The following ST8SIA6 variants were observed in gnomAD, a reference collection of about 807,000 sequenced individuals.
The protein encoded by ST8SIA6 is ST8 alpha-N-acetyl-neuraminide alpha-2,8-sialyltransferase 6, also known as alpha-2,8-sialyltransferase 8F.
ST8SIA6 carries 39 observed loss-of-function variants against 33.6 expected under a neutral mutation model. That is an observed-to-expected ratio of 1.16 (90% confidence interval 0.90 to 1.52). ST8SIA6 has a LOEUF of 1.52. Ranked by LOEUF, ST8SIA6 falls within the 40% of genes most tolerant of loss-of-function variation. The pLI is 0.00. For missense variants in ST8SIA6, 441 were observed against 443.8 expected (o/e 0.99, Z 0.06); for synonymous variants, 172 against 167.2 (o/e 1.03, Z -0.22).
At chr10:17,405,298 G>A (rs1020860768) in intron 2 of ST8SIA6, among the ~76,000 whole-genome samples, 2 of 151,896 alleles carry the variant, frequency 1.3e-5, no homozygotes, top group African/African-American at 4.8e-5. Context: ...CTGAGCCCAG[G>A]AGTTCAAGCC....
intron 2 of ST8SIA6, among the ~76,000 whole-genome samples, chr10:17,420,618 G>C (rs894371849): frequency 2.0e-5 from 3 of 152,082 alleles, no homozygotes; most frequent in Non-Finnish European, 4.4e-5. Flanking sequence ...GAATGCTGTG[G>C]CATGCCACCC....
intron 2 of ST8SIA6, among the ~76,000 whole-genome samples, chr10:17,420,367 A>C (rs964751571): frequency 6.6e-6 from 1 of 152,140 alleles, no homozygotes; most frequent in African/African-American, 2.4e-5. Flanking sequence ...AGCTGAGATC[A>C]CGCCACTGCA....
intron 3 of ST8SIA6, among the ~76,000 whole-genome samples, chr10:17,385,483 C>A (rs904059475): frequency 6.6e-6 from 1 of 150,756 alleles, no homozygotes; most frequent in East Asian, 2.0e-4. Context: ...AAGGAGTCAG[C>A]AAAGGGAGAT....
intron 3 of ST8SIA6, among the ~76,000 whole-genome samples, chr10:17,384,004 C>G (rs993536201): frequency 1.3e-5 from 2 of 152,186 alleles, no homozygotes; most frequent in Admixed American, 1.3e-4. Context: ...CAGTTATTTG[C>G]GTAAGTGCAA....
chr10:17,414,245 A>T (rs1338493441), intron 2 of ST8SIA6, among the ~76,000 whole-genome samples: 1 of 152,224 alleles, frequency 6.6e-6, no homozygotes, highest in South Asian at 2.1e-4. Flanking sequence ...TCTAAGTTCT[A>T]TGAACTTCAA....
intron 2 of ST8SIA6, chr10:17,409,572 A>G (rs1245999523): frequency 6.7e-6 from 1 of 148,964 alleles, no homozygotes; most frequent in African/African-American, 2.5e-5. Flanking sequence ...GCCTATACCA[A>G]AAAAAAAAAG....
chr10:17,415,996 CAG>C (rs1174483896), intron 2 of ST8SIA6, among the ~76,000 whole-genome samples: 1 of 151,658 alleles, frequency 6.6e-6, no homozygotes. Context: ...TTAGTAGAGA[CAG>C]GGTTTCACCA....
At chr10:17,387,268 T>C (rs1588873283) in intron 3 of ST8SIA6, among the ~76,000 whole-genome samples, 1 of 140,500 alleles carries the variant, frequency 7.1e-6, no homozygotes, top group South Asian at 2.2e-4. Flanking sequence ...TTTTTTTTTT[T>C]GAGACGGAGT....
At chr10:17,452,957 G>A (rs1309443417) in intron 2 of ST8SIA6, among the ~76,000 whole-genome samples, 2 of 151,858 alleles carry the variant, frequency 1.3e-5, no homozygotes, top group African/African-American at 4.8e-5. Flanking sequence ...GAGAGGTAAG[G>A]ACTCTGAATG....
chr10:17,398,656 A>G (rs1354099235), intron 2 of ST8SIA6, among the ~76,000 whole-genome samples: 1 of 152,232 alleles, frequency 6.6e-6, no homozygotes, highest in Non-Finnish European at 1.5e-5. Context: ...AACCAAATCA[A>G]TGTTACTCTC....
intron 2 of ST8SIA6, among the ~76,000 whole-genome samples, chr10:17,397,233 GTT>G (rs34049805): frequency 8.0e-6 from 1 of 124,250 alleles, no homozygotes; most frequent in African/African-American, 3.0e-5. Flanking sequence ...ATTGTTTTTT[GTT>G]TTTTTTTTTT....
chr10:17,445,866 G>T (rs1180576129), intron 2 of ST8SIA6, among the ~76,000 whole-genome samples: 1 of 152,146 alleles, frequency 6.6e-6, no homozygotes, highest in African/African-American at 2.4e-5. Flanking sequence ...GATGACATTT[G>T]TCACGTACCA....
intron 2 of ST8SIA6, among the ~76,000 whole-genome samples, chr10:17,391,992 A>AAT (rs1258773080): frequency 6.6e-6 from 1 of 152,224 alleles, no homozygotes; most frequent in Non-Finnish European, 1.5e-5. Context: ...AGACTTAAAA[A>AAT]ATATATATGC....
chr10:17,323,567 T>A (rs913379635), intron 6 of ST8SIA6, among the ~76,000 whole-genome samples: 2 of 151,922 alleles, frequency 1.3e-5, no homozygotes, highest in African/African-American at 2.4e-5. Context: ...GTATTTTTAG[T>A]AGTGATAGGG....
chr10:17,352,682 T>G (rs1849073150), intron 4 of ST8SIA6, among the ~76,000 whole-genome samples: 2 of 152,152 alleles, frequency 1.3e-5, no homozygotes, highest in South Asian at 4.1e-4. Flanking sequence ...CCATATACTT[T>G]GATGGCAAAG....
chr10:17,323,227 G>GCA lies in ST8SIA6; in HGVS notation c.636-71_636-70insTG, dbSNP rs1554783510. On this transcript the variant is annotated intron_variant, in intron 6 of 7. Transcript: ENST00000377602. ...AAAAAGATTGTATACACACATATGCGCGCACACACACACACACACACACCT... is the reference window on the plus strand; with the variant it reads ...AAAAAGATTGTATACACACATATGCGCACGCACACACACACACACACACACCT... The GCA allele has an allele frequency of 7.6e-4, 616 of 806,854 alleles. 5 individuals are homozygous for GCA. The highest frequency in any genetic ancestry group is 1.1e-3 in the Non-Finnish European group (584 of 515,040). 50.0% of individuals were successfully genotyped at this position (806,854 alleles called of 1,614,324 possible). A position where few individuals can be genotyped will look rare whatever the true frequency, so the allele number is the denominator to read the frequency against.
chr10:17,422,125 A>T (rs1851797052), intron 2 of ST8SIA6, among the ~76,000 whole-genome samples: 1 of 152,196 alleles, frequency 6.6e-6, no homozygotes, highest in Non-Finnish European at 1.5e-5. Flanking sequence ...ACTTTTAATC[A>T]AGAGAACAAT....
intron 2 of ST8SIA6, chr10:17,408,040 C>T (rs1851331300): frequency 6.6e-6 from 1 of 152,600 alleles, no homozygotes; most frequent in Non-Finnish European, 1.5e-5. Context: ...TAATTATTTT[C>T]CTGATTCAGT....
intron 2 of ST8SIA6, among the ~76,000 whole-genome samples, chr10:17,441,274 T>G (rs1852480174): frequency 2.0e-5 from 3 of 151,280 alleles, no homozygotes; most frequent in South Asian, 2.1e-4. Context: ...CATTCTTCTG[T>G]GTATAGTGTA....
Sources: gnomAD v4.1 joint callset for allele counts (sites outside exome capture counted in the v4.1 genomes callset) on GRCh38, gnomAD v4.1.1 for gene constraint, MANE v1.5 for transcripts, NCBI Gene and HGNC (gene_info 2026-07-23, HGNC 2026-07-21) for gene names.